Variants in GRIP1 observed in about 807,000 individuals in gnomAD.
GRIP1 encodes the protein glutamate receptor interacting protein 1.
A neutral mutation model predicts 129.9 loss-of-function variants in GRIP1; 45 were observed. That is an observed-to-expected ratio of 0.35 (90% confidence interval 0.27 to 0.44). The LOEUF is 0.44. GRIP1 is among the 20% of genes least tolerant of loss of function. GRIP1 has a pLI of 1.00. For missense variants in GRIP1, 1,196 were observed against 1,396.8 expected, an observed-to-expected ratio of 0.86 and a Z score of 2.29; for synonymous variants, 530 against 520.8, an observed-to-expected ratio of 1.02 and a Z score of -0.24.
intron 1 of GRIP1, among the ~76,000 whole-genome samples, chr12:67,065,450 T>G (rs902045905): frequency 3.3e-5 from 5 of 152,208 alleles, no homozygotes; most frequent in African/African-American, 1.2e-4. Context: ...CTATAAAAAA[T>G]GCATGTGTTT....
At chr12:66,418,671 G>A (rs944820825) in intron 15 of GRIP1, among the ~76,000 whole-genome samples, 1 of 152,116 alleles carries the variant, frequency 6.6e-6, no homozygotes, top group Non-Finnish European at 1.5e-5. Context: ...ACATACAAAT[G>A]TCTAACAGGC....
chr12:66,957,191 A>T (rs1052717676), intron 1 of GRIP1, among the ~76,000 whole-genome samples: 1 of 152,156 alleles, frequency 6.6e-6, no homozygotes, highest in Non-Finnish European at 1.5e-5. Flanking sequence ...ATATCAATAC[A>T]GATACATATG....
upstream of GRIP1, among the ~76,000 whole-genome samples, chr12:66,805,688 C>T (rs1229865411): frequency 1.3e-5 from 2 of 152,150 alleles, no homozygotes; most frequent in Non-Finnish European, 2.9e-5. Context: ...TCTAGATTTA[C>T]ACAGTTCCCT....
At chr12:66,499,860 A>G (rs1049978905) in intron 7 of GRIP1, among the ~76,000 whole-genome samples, 12 of 152,036 alleles carry the variant, frequency 7.9e-5, no homozygotes, top group African/African-American at 2.9e-4. Context: ...AAAATACAAA[A>G]TTATCCAGGC....
intron 1 of GRIP1, among the ~76,000 whole-genome samples, chr12:66,714,540 T>C (rs895662226): frequency 6.6e-6 from 1 of 152,070 alleles, no homozygotes; most frequent in African/African-American, 2.4e-5. Context: ...TTATACTAAA[T>C]AGCCTCTTTA....
intron 5 of GRIP1, among the ~76,000 whole-genome samples, chr12:66,523,109 G>A (rs1159030558): frequency 6.6e-6 from 1 of 151,512 alleles, no homozygotes; most frequent in African/African-American, 2.4e-5. Flanking sequence ...CACTCTGCAG[G>A]ATATTATCCA....
intron 2 of GRIP1, among the ~76,000 whole-genome samples, chr12:66,588,988 T>TTAAATAAATAAATAAA (rs71069012): frequency 1.3e-4 from 19 of 145,848 alleles, no homozygotes; most frequent in African/African-American, 4.6e-4. Context: ...AAAAAAAAAA[T>TTAAATAAATAAATAAA]TAAATAAATA....
intron 2 of GRIP1, among the ~76,000 whole-genome samples, chr12:66,577,260 G>C (rs2063170359): frequency 6.6e-6 from 1 of 152,212 alleles, no homozygotes; most frequent in Non-Finnish European, 1.5e-5. Context: ...AGCGGTTCAA[G>C]ATAAGAAACT....
At chr12:66,660,900 TATGTATACATGTATACATGTGTATTAC>T (rs765611588) in intron 1 of GRIP1, among the ~76,000 whole-genome samples, 34 of 152,226 alleles carry the variant, frequency 2.2e-4, no homozygotes, top group Non-Finnish European at 4.9e-4. Flanking sequence ...TGTATATATT[TATGTATACATGTATACATGTGTATTAC>T]ATGTATACAA....
In GRIP1 at chr12:66,846,835, G is replaced by C. The variant is rs140708749; in HGVS notation, c.58+222215C>G. On this transcript the variant is annotated intron_variant, in intron 1 of 1. Coordinates refer to the GRIP1 transcript ENST00000643019. ...GGGTCAGCCACGGGGCAGAGGAAGA[G>C]GGGGGACCTGTAGGCAGGAGCCTTT... Among the ~76,000 whole-genome samples the C allele has an allele frequency of 3.9e-4, 59 of 152,290 alleles. No homozygotes were observed. In the East Asian group the frequency reaches 9.1e-3, roughly 23 times the overall value.
intron 1 of GRIP1, among the ~76,000 whole-genome samples, chr12:66,793,462 C>A (rs1460783277): frequency 6.6e-6 from 1 of 152,144 alleles, no homozygotes; most frequent in Non-Finnish European, 1.5e-5. Context: ...AAAAAAACAA[C>A]AACAACAAAG....
intron 15 of GRIP1, among the ~76,000 whole-genome samples, chr12:66,419,962 C>T (rs930490649): frequency 2.6e-5 from 4 of 152,028 alleles, no homozygotes; most frequent in African/African-American, 4.8e-5. Flanking sequence ...CCGGGCATGG[C>T]GGTGTGCACC....
intron 2 of GRIP1, among the ~76,000 whole-genome samples, chr12:66,575,214 T>A (rs979424505): frequency 1.3e-5 from 2 of 152,184 alleles, no homozygotes; most frequent in Non-Finnish European, 2.9e-5. Flanking sequence ...ACTTATATAT[T>A]TTTTTGAAGC....
intron 1 of GRIP1, among the ~76,000 whole-genome samples, chr12:66,698,250 T>C (rs1051800767): frequency 6.6e-6 from 1 of 152,320 alleles, no homozygotes; most frequent in Non-Finnish European, 1.5e-5. Flanking sequence ...GTCAAAAATG[T>C]AACCAGGAGT....
In GRIP1 at chr12:66,541,937, G is replaced by C; in HGVS notation, c.150C>G (p.Gly50=). The part of the protein sequence containing the change: ...RRQSIPEEFK[G]STVVELMKKE... The stretch of plus-strand genomic sequence containing the variant: ...TCTTCATCAGCTCGACGACTGTGGA[G>C]CCCTTGAATTCCTCTGTTAAAAGAA... Residue 50 remains glycine, a synonymous_variant, in exon 3 of 25, where the codon GGC becomes GGG. Coordinates refer to ENST00000359742, the MANE Select transcript of GRIP1 (RefSeq NM_001366722.1). The C allele has an allele frequency of 1.2e-6, 2 of 1,613,880 alleles. No individual in the cohort carries two copies. The highest frequency in any genetic ancestry group is 8.5e-7 in the Non-Finnish European group (1 of 1,179,810).
At chr12:67,031,413 G>A (rs2043020301) in intron 1 of GRIP1, among the ~76,000 whole-genome samples, 1 of 152,068 alleles carries the variant, frequency 6.6e-6, no homozygotes, top group African/African-American at 2.4e-5. Context: ...TCACACCTAA[G>A]GGCATATCCT....
At chr12:67,033,031 T>C (rs1362261000) in intron 1 of GRIP1, among the ~76,000 whole-genome samples, 1 of 152,102 alleles carries the variant, frequency 6.6e-6, no homozygotes, top group African/African-American at 2.4e-5. Flanking sequence ...ACTAGTCACA[T>C]TTCAATTTCT....
chr12:66,984,020 G>A (rs1274644674), intron 1 of GRIP1, among the ~76,000 whole-genome samples: 1 of 152,186 alleles, frequency 6.6e-6, no homozygotes, highest in Non-Finnish European at 1.5e-5. Flanking sequence ...GTTCAGGTTA[G>A]AGATACAGCA....
chr12:66,697,506 G>A (rs1283873692), intron 1 of GRIP1, among the ~76,000 whole-genome samples: 1 of 152,148 alleles, frequency 6.6e-6, no homozygotes, highest in Admixed American at 6.5e-5. Context: ...GATAACCATA[G>A]GGAAATGGCC....
Sources: allele counts gnomAD v4.1 joint callset (sites outside exome capture counted in the v4.1 genomes callset), GRCh38; gene constraint gnomAD v4.1.1; transcripts MANE v1.5; gene names NCBI Gene and HGNC (gene_info 2026-07-23, HGNC 2026-07-21).